Variants in CD99L2 observed in about 807,000 individuals in gnomAD.
CD99L2 encodes the protein CD99 antigen-like protein 2.
Under a neutral mutation model 27.3 loss-of-function variants are expected in CD99L2, and 24 were observed. The observed-to-expected ratio is 0.88, with a 90% CI of 0.64 to 1.24. The LOEUF (loss-of-function observed/expected upper bound fraction) is 1.24. CD99L2 is among the 50% of genes most tolerant of loss of function. The pLI is 0.00. For synonymous variants in CD99L2, 97 were observed against 87.9 expected, an observed-to-expected ratio of 1.10 and a Z score of -0.58; for missense variants, 255 against 221.6, an observed-to-expected ratio of 1.15 and a Z score of -0.96.
At chrX:150,876,497 C>G (rs1297309415) in intron 1 of CD99L2, among the ~76,000 whole-genome samples, 2 of 112,376 alleles carry the variant, frequency 1.8e-5, no homozygotes, top group Non-Finnish European at 3.8e-5. Context: ...CTTTATACAG[C>G]TCCATTCTCA....
chrX:150,835,305 A>G (rs2046510039), intron 1 of CD99L2, among the ~76,000 whole-genome samples: 1 of 112,572 alleles, frequency 8.9e-6, no homozygotes, highest in Non-Finnish European at 1.9e-5. Context: ...AATGAATCTT[A>G]CTACACACAT....
At chrX:150,793,253 A>G (rs1050176154) in intron 7 of CD99L2, among the ~76,000 whole-genome samples, 1 of 112,349 alleles carries the variant, frequency 8.9e-6, no homozygotes, top group Non-Finnish European at 1.9e-5. Flanking sequence ...CCATTTCAAA[A>G]TAAAAAGGTA....
chrX:150,770,353 G>C lies in CD99L2; in HGVS notation c.672C>G (p.Asp224Glu), dbSNP rs1557418993. Residue 224 changes from aspartate (D) to glutamate (E), a missense_variant, in exon 10 of 11, where the codon GAC becomes GAG. Transcript: ENST00000370377. The stretch of plus-strand genomic sequence containing the variant: ...CTTCCAGGTTCTCTCCCTTCACGTA[G>C]TCTGCGTTGAGACCCTCTGCAAAGG... Reference protein sequence around the residue: ...CFSIQQGLNADYVKGENLEAV... With the variant: ...CFSIQQGLNAEYVKGENLEAV... 4 of 1,211,551 alleles carry C rather than the reference G, an allele frequency of 3.3e-6. No individual in the cohort carries two copies. The South Asian group carries it at 5.3e-5, about 16-fold the overall frequency.
At chrX:150,824,562 A>AAGGAGG (rs372923813) in intron 2 of CD99L2, among the ~76,000 whole-genome samples, 5 of 86,185 alleles carry the variant, frequency 5.8e-5, no homozygotes, top group African/African-American at 1.7e-4. Context: ...AAGAAGAAAG[A>AAGGAGG]AGGAGGAGGA....
chrX:150,772,419 G>C (rs1035434726), intron 9 of CD99L2, among the ~76,000 whole-genome samples: 13 of 112,630 alleles, frequency 1.2e-4, no homozygotes, highest in African/African-American at 4.2e-4. Flanking sequence ...CAGGACGGGG[G>C]ACAGCAGAGG....
intron 7 of CD99L2, among the ~76,000 whole-genome samples, chrX:150,792,401 G>C (rs1240284477): frequency 1.8e-5 from 2 of 111,910 alleles, no homozygotes; most frequent in African/African-American, 6.5e-5. Flanking sequence ...TAATTTGCTG[G>C]ATTTGCCCTT....
rs1333240077 is a variant in CD99L2 at position 150,795,134 on chromosome X, C to G, written c.430+72G>C. ...TGGCTTGAAGTGCCTCCAGCTCTGC[C>G]AGGCCCAAGCTGGCTCTGGCTCTGT... On this transcript the variant is annotated intron_variant, in intron 6 of 10. Coordinates refer to ENST00000370377, the MANE Select transcript of CD99L2 (RefSeq NM_031462.4). 6 of 1,143,604 alleles carry G rather than the reference C, an allele frequency of 5.2e-6. No homozygotes were observed. The Admixed American group carries it at 1.3e-4, about 25-fold the overall frequency. 94.2% of individuals were successfully genotyped at this position (1,143,604 alleles called of 1,213,427 possible). A position where few individuals can be genotyped will look rare whatever the true frequency, so the allele number is the denominator to read the frequency against.
chrX:150,786,229 A>ATTT (rs2045592932), intron 7 of CD99L2, among the ~76,000 whole-genome samples: 1 of 110,306 alleles, frequency 9.1e-6, no homozygotes. Flanking sequence ...TTTTTTTTTA[A>ATTT]AAAATTTTAG....
chrX:150,785,906 T>C (rs2045586796), intron 7 of CD99L2, among the ~76,000 whole-genome samples: 1 of 112,187 alleles, frequency 8.9e-6, no homozygotes, highest in Non-Finnish European at 1.9e-5. Flanking sequence ...CAAGTTTTGT[T>C]TGTGTTTTCT....
At chrX:150,785,517 T>C (rs2045580107) in intron 7 of CD99L2, among the ~76,000 whole-genome samples, 1 of 111,524 alleles carries the variant, frequency 9.0e-6, no homozygotes, top group African/African-American at 3.3e-5. Context: ...AAAACTTACA[T>C]ACAGTGAAAC....
At chrX:150,776,363 G>A in intron 8 of CD99L2, 70 bp from the exon 9 acceptor site, 1 of 1,099,158 alleles carries the variant, frequency 9.1e-7, no homozygotes, top group South Asian at 2.2e-5. Context: ...AGCAGCCTGG[G>A]AGCCTGCTTC....
Position 150,770,327 on chromosome X carries a change from G to A in CD99L2, c.698C>T (p.Ala233Val), listed in dbSNP as rs1557418988. 8.3e-7 allele frequency: 1 copy of A among 1,211,890 alleles called. No individual in the cohort carries two copies. Among genetic ancestry groups the A allele is most frequent in the East Asian group, 3.0e-5 (1 of 33,855 alleles). The change falls in exon 10 of 11, where the codon GCC (alanine) becomes GTC (valine). Residue 233 changes from alanine to valine, a missense_variant. Coordinates refer to ENST00000370377, the MANE Select transcript of CD99L2 (RefSeq NM_031462.4). ...ACCTTGGGGTTCCTCACATACCACG[G>A]CTTCCAGGTTCTCTCCCTTCACGTA... The part of the protein sequence containing the change: ...ADYVKGENLE[A>V]VVCEEPQVKY...
At chrX:150,770,185 G>C in intron 10 of CD99L2, 119 bp downstream of exon 10, 1 of 687,208 alleles carries the variant, frequency 1.5e-6, no homozygotes, top group Non-Finnish European at 2.2e-6. Context: ...CTTTTGCTCT[G>C]GCCGGACATT....
chrX:150,867,189 C>G (rs1557422063), intron 1 of CD99L2, among the ~76,000 whole-genome samples: 1 of 111,149 alleles, frequency 9.0e-6, no homozygotes, highest in African/African-American at 3.3e-5. Flanking sequence ...GCAGGCAGAT[C>G]ACTCGAGTCC....
intron 4 of CD99L2, among the ~76,000 whole-genome samples, chrX:150,806,341 G>A (rs1008481737): frequency 6.3e-5 from 7 of 111,826 alleles, no homozygotes; most frequent in Non-Finnish European, 1.1e-4. Context: ...CCACAGTGTA[G>A]AACTCCCAGG....
intron 1 of CD99L2, among the ~76,000 whole-genome samples, chrX:150,874,476 G>A (rs2124351858): frequency 9.2e-6 from 1 of 108,775 alleles, no homozygotes; most frequent in East Asian, 2.9e-4. Context: ...AGTTCAGAGG[G>A]GCTGCAGGAG....
At chrX:150,862,250 CTG>C (rs1411066985) in intron 1 of CD99L2, among the ~76,000 whole-genome samples, 1 of 112,049 alleles carries the variant, frequency 8.9e-6, no homozygotes, top group Non-Finnish European at 1.9e-5. Flanking sequence ...CCCCCAGAGC[CTG>C]TGACTCTTGT....
chrX:150,871,111 T>C (rs1407815826), intron 1 of CD99L2, among the ~76,000 whole-genome samples: 4 of 112,741 alleles, frequency 3.5e-5, no homozygotes, highest in Non-Finnish European at 7.5e-5. Flanking sequence ...AAAAGGTTAA[T>C]ATTCCTTTAT....
At chrX:150,806,247 G>A (rs2045991391) in intron 4 of CD99L2, among the ~76,000 whole-genome samples, 2 of 112,036 alleles carry the variant, frequency 1.8e-5, no homozygotes, top group South Asian at 7.5e-4. Flanking sequence ...ACCACGATTT[G>A]AGCATCAAGG....
Sources: gnomAD v4.1 joint callset for allele counts (sites outside exome capture counted in the v4.1 genomes callset) on GRCh38, gnomAD v4.1.1 for gene constraint, MANE v1.5 for transcripts, NCBI Gene and HGNC (gene_info 2026-07-23, HGNC 2026-07-21) for gene names.